ZMYND11: variants seen among roughly 807,000 people sequenced by gnomAD.
The protein encoded by ZMYND11 is zinc finger MYND-type containing 11.
ZMYND11 carries 9 observed loss-of-function variants against 84.9 expected under a neutral mutation model. The observed-to-expected ratio is 0.11, with a 90% CI of 0.06 to 0.18. The LOEUF (loss-of-function observed/expected upper bound fraction) is 0.18. Among genes scored for constraint, ZMYND11 ranks in the 10% least tolerant of loss-of-function variants. The pLI, the probability that ZMYND11 is intolerant of heterozygous loss-of-function variation, is 1.00. For synonymous variants in ZMYND11, 250 were observed against 244.1 expected (o/e 1.02, Z -0.23); for missense variants, 409 against 761.0 (o/e 0.54, Z 5.44).
At chr10:233,087 G>C (rs1315282514) in intron 4 of ZMYND11, among the ~76,000 whole-genome samples, 5 of 152,216 alleles carry the variant, frequency 3.3e-5, no homozygotes, top group Non-Finnish European at 7.3e-5. Context: ...AGTTGGTGCA[G>C]TGCTCTTAAC....
intron 1 of ZMYND11, chr10:154,738 T>A (rs886642090): frequency 3.3e-5 from 5 of 152,224 alleles, no homozygotes; most frequent in African/African-American, 1.2e-4. Flanking sequence ...ATGTAAAGAT[T>A]TTAATAGATA....
chr10:217,791 G>T (rs1421644386), intron 3 of ZMYND11, among the ~76,000 whole-genome samples: 1 of 152,118 alleles, frequency 6.6e-6, no homozygotes, highest in Non-Finnish European at 1.5e-5. Context: ...CATTATATAG[G>T]TAGAAAATGA....
At chr10:248,868 G>C (rs1438598708) in intron 13 of ZMYND11, 35 bp from the exon 14 acceptor site, 10 of 1,576,446 alleles carry the variant, frequency 6.3e-6, no homozygotes, top group African/African-American at 1.4e-5. Flanking sequence ...GTTAAGTTGT[G>C]TGCTGACGCA....
Position 242,003 on chromosome 10 carries a change from A to G in ZMYND11, c.832-18A>G, listed in dbSNP as rs1410903436. 3.7e-6 allele frequency: 6 copies of G among 1,613,522 alleles called. No homozygotes were observed. The highest frequency in any genetic ancestry group is 5.1e-6 in the Non-Finnish European group (6 of 1,179,664). On this transcript the variant is annotated intron_variant, in intron 9 of 14. Transcript: ENST00000381604. ...TACTTTAAAAGTAATATAACAAGGT[A>G]AAACATTTAATTTCCAGATACCTAA...
At position 180,110 on chromosome 10, in the gene ZMYND11, A is replaced by G; in HGVS notation, c.98A>G (p.Asn33Ser). ...EIIRNQKQIA[N>S]IDRITKYMSR... ...ATACGGAACCAGAAGCAGATTGCCAACATTGACCGTATTACAAAGTAAGTA... is the reference window on the plus strand; with the variant it reads ...ATACGGAACCAGAAGCAGATTGCCAGCATTGACCGTATTACAAAGTAAGTA... The change falls in exon 2 of 15, where the codon AAC becomes AGC. Residue 33 changes from asparagine (N) to serine (S), a missense_variant. Asn to Ser is a conservative substitution (Grantham distance 46). Transcript: ENST00000381604. 1 of 1,612,572 alleles carries G rather than the reference A, an allele frequency of 6.2e-7. No homozygotes were observed.
chr10:161,726 C>A (rs1346449538), intron 1 of ZMYND11, among the ~76,000 whole-genome samples: 1 of 152,184 alleles, frequency 6.6e-6, no homozygotes, highest in Non-Finnish European at 1.5e-5. Flanking sequence ...TCAGACTTTT[C>A]TTCTGCAGCT....
intron 2 of ZMYND11, among the ~76,000 whole-genome samples, chr10:202,342 A>G (rs1943346457): frequency 6.6e-6 from 1 of 152,178 alleles, no homozygotes; most frequent in Admixed American, 6.5e-5. Context: ...GAACATAACA[A>G]TATATATTTT....
chr10:161,530 A>G (rs1842943236), intron 1 of ZMYND11, among the ~76,000 whole-genome samples: 1 of 152,190 alleles, frequency 6.6e-6, no homozygotes, highest in South Asian at 2.1e-4. Context: ...TAGCTATGAA[A>G]GTCCTAGATG....
At chr10:196,412 A>G (rs932599200) in intron 2 of ZMYND11, among the ~76,000 whole-genome samples, 1 of 152,352 alleles carries the variant, frequency 6.6e-6, no homozygotes, top group Middle Eastern at 3.4e-3. Flanking sequence ...GATAAAGTAT[A>G]TAATTTTATT....
At chr10:246,092 T>C (rs1308316090) in intron 10 of ZMYND11, among the ~76,000 whole-genome samples, 2 of 152,146 alleles carry the variant, frequency 1.3e-5, no homozygotes, top group Non-Finnish European at 2.9e-5. Flanking sequence ...GGAAAAAGTG[T>C]TCTTTCCAAC....
chr10:144,810 C>G (rs1838354920), intron 1 of ZMYND11, among the ~76,000 whole-genome samples: 1 of 149,774 alleles, frequency 6.7e-6, no homozygotes, highest in Admixed American at 6.7e-5. Flanking sequence ...GGATAAATTG[C>G]ATAGTGGTGA....
chr10:184,354 T>C (rs1848493290), intron 2 of ZMYND11, among the ~76,000 whole-genome samples: 1 of 152,204 alleles, frequency 6.6e-6, no homozygotes, highest in East Asian at 1.9e-4. Flanking sequence ...ATGTTGGATC[T>C]TCTTTTCCTG....
intron 4 of ZMYND11, among the ~76,000 whole-genome samples, chr10:232,085 T>C (rs1417614940): frequency 6.6e-6 from 1 of 152,250 alleles, no homozygotes; most frequent in Admixed American, 6.5e-5. Flanking sequence ...AGAAATAATC[T>C]GTACATATTA....
At chr10:249,199 ATCAAATG>A in intron 14 of ZMYND11, 111 bp downstream of exon 14, 1 of 1,544,104 alleles carries the variant, frequency 6.5e-7, no homozygotes, top group Non-Finnish European at 8.7e-7. Flanking sequence ...CTGAAATAAG[ATCAAATG>A]TGAAATGGTC....
intron 1 of ZMYND11, among the ~76,000 whole-genome samples, chr10:160,620 T>C (rs1400772801): frequency 6.6e-6 from 1 of 152,196 alleles, no homozygotes; most frequent in Non-Finnish European, 1.5e-5. Context: ...CCAACCCTAC[T>C]GCTGCTTTAT....
At chr10:208,296 T>A (rs1944547812) in intron 2 of ZMYND11, among the ~76,000 whole-genome samples, 1 of 151,998 alleles carries the variant, frequency 6.6e-6, no homozygotes, top group South Asian at 2.1e-4. Flanking sequence ...AATTGACAAA[T>A]GGGATCTAAT....
At chr10:150,817 A>G (rs1194116148) in intron 1 of ZMYND11, among the ~76,000 whole-genome samples, 3 of 152,304 alleles carry the variant, frequency 2.0e-5, no homozygotes, top group South Asian at 2.1e-4. Context: ...CAAGTAGCCA[A>G]ACTGGGAGGC....
At chr10:176,350 A>G (rs980455563) in intron 1 of ZMYND11, among the ~76,000 whole-genome samples, 1 of 152,122 alleles carries the variant, frequency 6.6e-6, no homozygotes, top group Non-Finnish European at 1.5e-5. Context: ...ATATTCCTCA[A>G]ATGTGTTGGA....
At chr10:135,308 G>C (rs1554751585), upstream of ZMYND11, 1 of 151,094 alleles carries the variant, frequency 6.6e-6, no homozygotes, top group African/African-American at 2.4e-5. This position sits in a 1 kb window ranked among gnomAD's most constrained non-coding sequence, Gnocchi z 5.6. Context: ...CTGAGGTGGA[G>C]TATTACAAAC....
Sources: gnomAD v4.1 joint callset for allele counts (sites outside exome capture counted in the v4.1 genomes callset) on GRCh38, gnomAD v4.1.1 for gene constraint, Gnocchi (gnomAD v3.1) non-coding constraint, MANE v1.5 for transcripts, NCBI Gene and HGNC (gene_info 2026-07-23, HGNC 2026-07-21) for gene names.